CCDC50: variants seen among roughly 807,000 people sequenced by gnomAD.
CCDC50 encodes coiled-coil domain containing 50, also known as coiled-coil domain-containing protein 50.
In CCDC50, 54 loss-of-function variants were observed where a neutral mutation model predicts 70.2. The ratio of observed to expected loss-of-function variants is 0.77; its 90% CI spans 0.62 to 0.96. The LOEUF (loss-of-function observed/expected upper bound fraction) is 0.96. Among genes scored for constraint, CCDC50 ranks in the 50% least tolerant of loss-of-function variants. CCDC50 has a pLI of 0.00. For missense variants in CCDC50, 558 were observed against 578.7 expected, an observed-to-expected ratio of 0.96 and a Z score of 0.37; for synonymous variants, 216 against 198.8, an observed-to-expected ratio of 1.09 and a Z score of -0.73.
At position 191,329,609 on chromosome 3, in the gene CCDC50, C is replaced by T; in HGVS notation, c.-66C>T. On this transcript the variant is annotated 5_prime_UTR_variant, in exon 1 of 12. Transcript: ENST00000392455. ...TCCGGCGCTGCTGCTGCGCTCGGGG[C>T]CCCGCTCGGCGCCGGCGGTGACCGG... is the stretch of plus-strand genomic sequence containing the variant. 1.2e-5 allele frequency: 19 copies of T among 1,538,620 alleles called. No individual in the cohort carries two copies. The highest frequency in any genetic ancestry group is 1.7e-5 in the Non-Finnish European group (19 of 1,134,038).
intron 1 of CCDC50, among the ~76,000 whole-genome samples, chr3:191,347,574 T>C (rs569088104): frequency 7.0e-6 from 1 of 142,804 alleles, no homozygotes; most frequent in African/African-American, 2.5e-5. Flanking sequence ...CTTGGGCATA[T>C]TATTACAAAT....
Position 191,330,324 on chromosome 3 carries a change from C to A in CCDC50, c.49+601C>A, listed in dbSNP as rs68137773. On this transcript the variant is annotated intron_variant, in intron 1 of 11. Transcript: ENST00000392455. ...ACACACACACACACACACACACACA[C>A]ACACAATAGTGAGCGAGGGGAACAG... The A allele has an allele frequency of 4.6e-3, 576 of 124,878 alleles. 5 individuals carry two copies. Among genetic ancestry groups the A allele is most frequent in the African/African-American group, 0.014 (467 of 33,682 alleles). 7.7% of individuals were successfully genotyped at this position (124,878 alleles called of 1,614,324 possible).
intron 4 of CCDC50, among the ~76,000 whole-genome samples, chr3:191,366,318 C>T (rs557950324): frequency 6.6e-6 from 1 of 152,192 alleles, no homozygotes; most frequent in East Asian, 1.9e-4. Flanking sequence ...TTACCTTTCT[C>T]TAGTATACTA....
At chr3:191,362,226 G>C (rs923952160) in intron 4 of CCDC50, among the ~76,000 whole-genome samples, 1 of 152,088 alleles carries the variant, frequency 6.6e-6, no homozygotes, top group Admixed American at 6.6e-5. Context: ...AGGCTTAAGT[G>C]ATCCTCTCTG....
At chr3:191,341,808 C>G (rs999930618) in intron 1 of CCDC50, among the ~76,000 whole-genome samples, 4 of 152,230 alleles carry the variant, frequency 2.6e-5, no homozygotes, top group Non-Finnish European at 5.9e-5. Flanking sequence ...GTGTAACTCC[C>G]TGTTACTTGT....
rs1713845420 is a variant in CCDC50, at chr3:191,395,920, T to C, written c.*4160T>C. The C allele has an allele frequency of 6.6e-6, 1 of 152,134 alleles. No individual in the cohort carries two copies. The highest frequency in any genetic ancestry group is 6.6e-5 in the Admixed American group (1 of 15,262). The allele number at this position is 152,134 out of a possible 1,614,324, so 9.4% of individuals were successfully genotyped here. On this transcript the variant is annotated 3_prime_UTR_variant, in exon 12 of 12. Coordinates refer to ENST00000392455, the MANE Select transcript of CCDC50 (RefSeq NM_178335.3). ...GAATACTTTTTTTCTTTTTAGCCCATGATAAGTAATATGGGCAGGTAGAAG... is the reference window on the plus strand; with the variant it reads ...GAATACTTTTTTTCTTTTTAGCCCACGATAAGTAATATGGGCAGGTAGAAG...
intron 1 of CCDC50, among the ~76,000 whole-genome samples, chr3:191,336,041 A>T (rs981424608): frequency 6.6e-6 from 1 of 152,028 alleles, no homozygotes; most frequent in South Asian, 2.1e-4. Context: ...CTCCTCAAAC[A>T]TACTGTTTAT....
At chr3:191,381,453 C>T (rs140523002) in intron 9 of CCDC50, among the ~76,000 whole-genome samples, 357 of 152,186 alleles carry the variant, frequency 2.3e-3, no homozygotes, top group African/African-American at 7.8e-3. Flanking sequence ...TGAGTTTGGA[C>T]GGTTATCTTT....
chr3:191,331,899 G>C (rs562374104), intron 1 of CCDC50, among the ~76,000 whole-genome samples: 49 of 152,176 alleles, frequency 3.2e-4, no homozygotes, highest in African/African-American at 1.2e-3. Context: ...ATTTGAGAAG[G>C]GTTAGTAGTA....
chr3:191,351,918 T>C (rs548637582), intron 1 of CCDC50, among the ~76,000 whole-genome samples: 1 of 139,442 alleles, frequency 7.2e-6, no homozygotes, highest in African/African-American at 2.6e-5. Flanking sequence ...TTTCCATAAT[T>C]GACCCCTTTG....
chr3:191,334,022 G>A (rs1718066993), intron 1 of CCDC50, among the ~76,000 whole-genome samples: 1 of 152,036 alleles, frequency 6.6e-6, no homozygotes, highest in African/African-American at 2.4e-5. Flanking sequence ...TTTTCTAAAT[G>A]CTATTTTGTG....
intron 1 of CCDC50, among the ~76,000 whole-genome samples, chr3:191,345,672 T>C (rs1183469664): frequency 2.0e-5 from 3 of 152,344 alleles, no homozygotes; most frequent in Non-Finnish European, 4.4e-5. Context: ...AGCCATAACA[T>C]ATCTACTTGC....
intron 5 of CCDC50, among the ~76,000 whole-genome samples, chr3:191,371,897 A>G (rs1284293652): frequency 6.6e-6 from 1 of 152,198 alleles, no homozygotes; most frequent in Admixed American, 6.6e-5. Flanking sequence ...TTCAATTTAA[A>G]TCTTAGAAAT....
At chr3:191,330,528 C>A (rs1717944960) in intron 1 of CCDC50, 1 of 152,176 alleles carries the variant, frequency 6.6e-6, no homozygotes, top group Non-Finnish European at 1.5e-5. Context: ...TCGCCTTATG[C>A]CTTGAGTTAT....
chr3:191,372,492 C>T (rs921202338), intron 5 of CCDC50, among the ~76,000 whole-genome samples: 1 of 152,142 alleles, frequency 6.6e-6, no homozygotes, highest in African/African-American at 2.4e-5. Flanking sequence ...CTGGTCTTTG[C>T]AGTGGTCCTT....
intron 10 of CCDC50, among the ~76,000 whole-genome samples, chr3:191,385,043 A>G (rs1156764189): frequency 1.3e-5 from 2 of 152,150 alleles, no homozygotes; most frequent in Admixed American, 6.5e-5. Flanking sequence ...TATATGTACC[A>G]CATTTTCTTT....
Position 191,363,779 on chromosome 3 carries a change from C to A in CCDC50, c.330+2620C>A, listed in dbSNP as rs115892607. ...TGTTGACCAGACAAGCCTATATAAA[C>A]TTCATTCAGACTTTTTGACTTTTCA... On this transcript the variant is annotated intron_variant, in intron 4 of 11. Coordinates refer to ENST00000392455, the MANE Select transcript of CCDC50 (RefSeq NM_178335.3). Among the ~76,000 whole-genome samples the A allele has an allele frequency of 6.1e-3, 931 of 152,274 alleles. 12 individuals are homozygous for A. Among genetic ancestry groups the A allele is most frequent in the African/African-American group, 0.021 (870 of 41,554 alleles).
intron 4 of CCDC50, among the ~76,000 whole-genome samples, chr3:191,361,469 G>T (rs984930476): frequency 7.9e-5 from 12 of 152,230 alleles, no homozygotes; most frequent in African/African-American, 2.4e-4. Context: ...GAGGCTAGAA[G>T]TCTAAAATCT....
At chr3:191,371,287 G>C (rs899927658) in intron 5 of CCDC50, among the ~76,000 whole-genome samples, 3 of 152,124 alleles carry the variant, frequency 2.0e-5, no homozygotes, top group African/African-American at 7.2e-5. Flanking sequence ...GGTGGCAGTT[G>C]TGGTGATTCT....
Sources: gnomAD v4.1 joint callset for allele counts (sites outside exome capture counted in the v4.1 genomes callset) on GRCh38, gnomAD v4.1.1 for gene constraint, MANE v1.5 for transcripts, NCBI Gene and HGNC (gene_info 2026-07-23, HGNC 2026-07-21) for gene names.